Variants in ADPGK observed in about 807,000 individuals in gnomAD.
ADPGK encodes the protein ADP dependent glucokinase.
In ADPGK, 26 loss-of-function variants were observed where a neutral mutation model predicts 42.4. That is an observed-to-expected ratio of 0.61 (90% confidence interval 0.45 to 0.85). ADPGK has a LOEUF of 0.85. Ranked by LOEUF, ADPGK falls within the 40% of genes least tolerant of loss-of-function variation. The probability of loss-of-function intolerance (pLI) is 0.00; values close to 1 mark genes in which losing one functional copy is unlikely to be tolerated. For synonymous variants in ADPGK, 267 were observed against 252.6 expected, an observed-to-expected ratio of 1.06 and a Z score of -0.54; for missense variants, 571 against 627.0, an observed-to-expected ratio of 0.91 and a Z score of 0.95.
chr15:72,778,552 AAAC>A (rs1190414245), intron 1 of ADPGK, among the ~76,000 whole-genome samples: 8 of 151,904 alleles, frequency 5.3e-5, no homozygotes, highest in Non-Finnish European at 8.8e-5. Flanking sequence ...AACACAGATG[AAAC>A]AACTAGAAAA....
chr15:72,773,414 C>T (rs2066352498), intron 2 of ADPGK, among the ~76,000 whole-genome samples: 1 of 152,000 alleles, frequency 6.6e-6, no homozygotes, highest in Admixed American at 6.5e-5. Flanking sequence ...TTAGAATTTA[C>T]TAAAAAAAAT....
At chr15:72,783,301 C>T (rs2066491693) in intron 1 of ADPGK, 158 bp downstream of exon 1, 9 of 1,264,212 alleles carry the variant, frequency 7.1e-6, no homozygotes, top group Admixed American at 8.4e-5. Context: ...CGGTGACGAA[C>T]CGGGTTCCAC....
In ADPGK at chr15:72,752,593, G is replaced by A; in HGVS notation, c.1242C>T (p.Ala414=). Residue 414 remains alanine, a synonymous_variant, in exon 7 of 7, where the codon GCC becomes GCT. Coordinates refer to ENST00000456471, the MANE Select transcript of ADPGK (RefSeq NM_001365225.1). The part of the protein sequence containing the change: ...AAGARVAGTQ[A]CATETIDTSR... ...TGGTGTCTATGGTTTCTGTGGCGCA[G>A]GCCTGTGTCCCAGCCACACGAGCTC... The A allele has an allele frequency of 6.2e-7, 1 of 1,614,232 alleles. No individual in the cohort carries two copies. Among genetic ancestry groups the A allele is most frequent in the South Asian group, 1.1e-5 (1 of 91,082 alleles).
At chr15:72,756,473 G>T in intron 4 of ADPGK, 26 bp from the exon 5 acceptor site, 3 of 1,612,532 alleles carry the variant, frequency 1.9e-6, no homozygotes, top group Non-Finnish European at 2.5e-6. Context: ...CAACACAATG[G>T]GAAGAAAAGG....
intron 1 of ADPGK, among the ~76,000 whole-genome samples, chr15:72,782,113 T>C (rs2066465857): frequency 2.0e-5 from 3 of 152,228 alleles, no homozygotes; most frequent in Non-Finnish European, 4.4e-5. Context: ...AAATGACTGA[T>C]ACAATAATAT....
intron 4 of ADPGK, chr15:72,757,926 C>T (rs1343159740): frequency 2.8e-6 from 2 of 707,866 alleles, no homozygotes; most frequent in Admixed American, 2.9e-5. Flanking sequence ...ACAGGCTCTT[C>T]TGCAAGGCAA....
At chr15:72,755,002 A>C (rs1272692026) in intron 6 of ADPGK, among the ~76,000 whole-genome samples, 1 of 152,230 alleles carries the variant, frequency 6.6e-6, no homozygotes, top group Admixed American at 6.5e-5. Flanking sequence ...TAACCAAATG[A>C]ATATATTACC....
intron 4 of ADPGK, chr15:72,758,250 T>TGAGGAA (rs1567447837): frequency 9.1e-6 from 8 of 881,078 alleles, no homozygotes; most frequent in Non-Finnish European, 1.4e-5. Flanking sequence ...CCTGTAATGG[T>TGAGGAA]AGTTAGCGCC....
Position 72,771,856 on chromosome 15 carries a change from G to C in ADPGK, c.460-11C>G, listed in dbSNP as rs2066332562. 2.5e-6 allele frequency: 4 copies of C among 1,602,422 alleles called. No individual in the cohort carries two copies. Among genetic ancestry groups the C allele is most frequent in the Non-Finnish European group, 2.6e-6 (3 of 1,174,242 alleles). On this transcript the variant is annotated splice_polypyrimidine_tract_variant and intron_variant, in intron 2 of 6. Transcript: ENST00000456471. ...TCCTCCTACATAGTGCTGTAAGAGAGTTCAAGGCTTTTAGACAGTATTTTA... is the reference window on the plus strand; with the variant it reads ...TCCTCCTACATAGTGCTGTAAGAGACTTCAAGGCTTTTAGACAGTATTTTA...
rs1482497654 is a variant in ADPGK, at chr15:72,783,731, C to A, written c.-40G>T. 7.1e-7 allele frequency: 1 copy of A among 1,415,898 alleles called. No individual in the cohort carries two copies. The highest frequency in any genetic ancestry group is 9.2e-7 in the Non-Finnish European group (1 of 1,089,162). 87.7% of individuals were successfully genotyped at this position (1,415,898 alleles called of 1,614,324 possible). On this transcript the variant is annotated 5_prime_UTR_variant, in exon 1 of 7. Coordinates refer to ENST00000456471, the MANE Select transcript of ADPGK (RefSeq NM_001365225.1). ...CGCACCTGCGCGAACCAACTCCTTT[C>A]CTAGCCCGCGCCTCTTCCGGGCTCG...
At chr15:72,778,664 G>T (rs1476099277) in intron 1 of ADPGK, among the ~76,000 whole-genome samples, 1 of 152,210 alleles carries the variant, frequency 6.6e-6, no homozygotes, top group Non-Finnish European at 1.5e-5. Context: ...CTAAGGCAAA[G>T]ACGATGTTTC....
chr15:72,771,952 C>T (rs756391216), intron 2 of ADPGK, 107 bp from the exon 3 acceptor site: 4 of 865,698 alleles, frequency 4.6e-6, no homozygotes, highest in East Asian at 2.9e-5. Context: ...TTCCCAAAAA[C>T]ATTTTGAGGT....
intron 6 of ADPGK, among the ~76,000 whole-genome samples, chr15:72,754,093 A>AT (rs1375363271): frequency 2.7e-5 from 4 of 150,566 alleles, no homozygotes; most frequent in Admixed American, 2.0e-4. Context: ...AATGAAGTCT[A>AT]TCAAAAAAAA....
At chr15:72,783,131 T>C in intron 1 of ADPGK, 1 of 914,066 alleles carries the variant, frequency 1.1e-6, no homozygotes, top group Non-Finnish European at 1.4e-6. Flanking sequence ...TATCTTTGAT[T>C]GCAAAACAAC....
intron 2 of ADPGK, among the ~76,000 whole-genome samples, chr15:72,772,697 G>A (rs947323476): frequency 6.6e-6 from 1 of 152,120 alleles, no homozygotes; most frequent in African/African-American, 2.4e-5. Context: ...GCTAAATTTT[G>A]AGAAACGAAG....
At position 72,783,704 on chromosome 15, in the gene ADPGK, G is replaced by C. The variant is rs933052594; in HGVS notation, c.-13C>G. 4 of 1,458,218 alleles carry C rather than the reference G, an allele frequency of 2.7e-6. No homozygotes were observed. The highest frequency in any genetic ancestry group is 9.0e-7 in the Non-Finnish European group (1 of 1,112,288). The allele number at this position is 1,458,218 out of a possible 1,614,324, so 90.3% of individuals were successfully genotyped here. A position where few individuals can be genotyped will look rare whatever the true frequency, so the allele number is the denominator to read the frequency against. ...GCCACAGCGCCATGGGGACCCAGGC[G>C]CCGCACCTGCGCGAACCAACTCCTT... On this transcript the variant is annotated 5_prime_UTR_variant, in exon 1 of 7. Coordinates refer to ENST00000456471, the MANE Select transcript of ADPGK (RefSeq NM_001365225.1).
At chr15:72,764,819 G>T (rs530036284) in intron 3 of ADPGK, among the ~76,000 whole-genome samples, 9 of 152,156 alleles carry the variant, frequency 5.9e-5, no homozygotes, top group Non-Finnish European at 1.2e-4. Context: ...GGCTAACACA[G>T]CTGGTGACTA....
intron 3 of ADPGK, among the ~76,000 whole-genome samples, chr15:72,767,383 C>CA (rs35843053): frequency 0.55 from 76,411 of 137,760 alleles, 21,669 homozygotes; most frequent in Middle Eastern, 0.7. Flanking sequence ...ATCAAATAGA[C>CA]AAAAAAAAAA....
chr15:72,760,942 G>A (rs2066184745), intron 3 of ADPGK, among the ~76,000 whole-genome samples: 1 of 152,124 alleles, frequency 6.6e-6, no homozygotes, highest in East Asian at 1.9e-4. Context: ...ATAAGGGTGA[G>A]GTGAGGTCCT....
Sources: allele counts gnomAD v4.1 joint callset (sites outside exome capture counted in the v4.1 genomes callset), GRCh38; gene constraint gnomAD v4.1.1; transcripts MANE v1.5; gene names NCBI Gene and HGNC (gene_info 2026-07-23, HGNC 2026-07-21).